The following INVS variants were observed in gnomAD, a reference collection of about 807,000 sequenced individuals.
The protein encoded by INVS is inversion of embryo turning homolog.
In INVS, 86 loss-of-function variants were observed where a neutral mutation model predicts 108.8. The observed-to-expected ratio is 0.79, with a 90% confidence interval of 0.66 to 0.95. The LOEUF is 0.95. Among genes scored for constraint, INVS ranks in the 40% least tolerant of loss-of-function variants. INVS has a pLI of 0.00. For missense variants in INVS, 1,169 were observed against 1,297.4 expected (o/e 0.90, Z 1.52); for synonymous variants, 455 against 473.5 (o/e 0.96, Z 0.51).
At chr9:100,141,596 A>AT (rs549263346) in intron 3 of INVS, among the ~76,000 whole-genome samples, 54 of 152,314 alleles carry the variant, frequency 3.5e-4, no homozygotes, top group Admixed American at 2.0e-3. Context: ...CCATCCAGTG[A>AT]AAGCGTCTAC....
At position 100,127,505 on chromosome 9, in the gene INVS, T is replaced by A. The variant is rs184858708; in HGVS notation, c.273+956T>A. Among the ~76,000 whole-genome samples, 425 of 152,302 alleles carry A rather than the reference T, an allele frequency of 2.8e-3. 1 individual carries two copies. The highest frequency in any genetic ancestry group is 6.8e-3 in the Middle Eastern group (2 of 294). On this transcript the variant is annotated intron_variant, in intron 3 of 16. Coordinates refer to ENST00000262457, the MANE Select transcript of INVS (RefSeq NM_014425.5). ...CATAAAATAGATTTCCAGTGCCTGG[T>A]ATTTTTCTTTTTGTTATTTTAGATT...
chr9:100,298,198 A>G (rs1195659408), intron 16 of INVS, 188 bp downstream of exon 16: 6 of 1,503,600 alleles, frequency 4.0e-6, no homozygotes, highest in Non-Finnish European at 5.3e-6. Context: ...TTCACAACTA[A>G]AAGCTATTAT....
At chr9:100,103,682 G>C (rs1385628607) in intron 1 of INVS, among the ~76,000 whole-genome samples, 1 of 144,646 alleles carries the variant, frequency 6.9e-6, no homozygotes, top group Non-Finnish European at 1.5e-5. Context: ...AAGGAGAGGC[G>C]AGGGGAGGGG....
At chr9:100,163,391 A>T (rs1829256676) in intron 3 of INVS, among the ~76,000 whole-genome samples, 1 of 152,110 alleles carries the variant, frequency 6.6e-6, no homozygotes, top group Non-Finnish European at 1.5e-5. Context: ...AATGATCTGA[A>T]AATTGAAAGA....
chr9:100,162,160 C>A (rs1287639948), intron 3 of INVS, among the ~76,000 whole-genome samples: 1 of 152,164 alleles, frequency 6.6e-6, no homozygotes, highest in Non-Finnish European at 1.5e-5. Flanking sequence ...GCAGTCTATG[C>A]TCTAACTGAT....
At chr9:100,162,380 A>G (rs1051496049) in intron 3 of INVS, among the ~76,000 whole-genome samples, 2 of 152,196 alleles carry the variant, frequency 1.3e-5, no homozygotes, top group African/African-American at 2.4e-5. Context: ...TGGCTCAATG[A>G]TATTAGCAAG....
chr9:100,219,195 A>G (rs1390436789), intron 3 of INVS, among the ~76,000 whole-genome samples: 2 of 152,188 alleles, frequency 1.3e-5, no homozygotes, highest in African/African-American at 4.8e-5. Flanking sequence ...AGTAAGAAAA[A>G]AAAACAAATA....
At chr9:100,225,459 G>A (rs7853561) in intron 3 of INVS, among the ~76,000 whole-genome samples, 26,941 of 152,026 alleles carry the variant, frequency 0.18, 3,628 homozygotes, top group African/African-American at 0.38. Flanking sequence ...TGAACAAAAC[G>A]TTTAACTACT....
chr9:100,224,044 AC>A (rs1177990753), intron 3 of INVS, among the ~76,000 whole-genome samples: 3 of 152,308 alleles, frequency 2.0e-5, no homozygotes, highest in East Asian at 1.9e-4. Context: ...AGCAAAAAAA[AC>A]AAAACAAAAA....
intron 1 of INVS, among the ~76,000 whole-genome samples, chr9:100,101,033 A>ATTATATATGTGTATATATAAT (rs1249064830): frequency 2.8e-5 from 3 of 106,598 alleles, no homozygotes; most frequent in East Asian, 2.2e-4. Context: ...TATTATATAT[A>ATTATATATGTGTATATATAAT]TTATATATGT....
intron 4 of INVS, among the ~76,000 whole-genome samples, chr9:100,227,423 G>A (rs989231142): frequency 2.0e-5 from 3 of 152,196 alleles, no homozygotes; most frequent in Admixed American, 6.5e-5. Context: ...TGCTACTCAC[G>A]AGGGCTAATA....
At chr9:100,289,079 TTTTA>T (rs999721458) in intron 13 of INVS, among the ~76,000 whole-genome samples, 1 of 152,236 alleles carries the variant, frequency 6.6e-6, no homozygotes, top group African/African-American at 2.4e-5. Flanking sequence ...TTTTCCTTCA[TTTTA>T]TTTGTTTTCT....
intron 2 of INVS, among the ~76,000 whole-genome samples, chr9:100,116,189 C>T (rs758269646): frequency 1.7e-4 from 25 of 151,380 alleles, no homozygotes; most frequent in Non-Finnish European, 2.7e-4. Context: ...CTGCAACCTC[C>T]GCCTCCCGGG....
At chr9:100,124,177 AGTGTGTGTGTGTGTGTGTGTGTGTGT>A (rs3052021) in intron 2 of INVS, among the ~76,000 whole-genome samples, 2 of 144,114 alleles carry the variant, frequency 1.4e-5, no homozygotes, top group Non-Finnish European at 3.0e-5. Flanking sequence ...TTTGTTTCTG[AGTGTGTGTGTGTGTGTGTGTGTGTGT>A]GTGTGTGTGT....
At chr9:100,295,515 C>T (rs1346070398) in intron 14 of INVS, among the ~76,000 whole-genome samples, 2 of 152,022 alleles carry the variant, frequency 1.3e-5, no homozygotes, top group East Asian at 3.9e-4. Context: ...TGATAGCAAA[C>T]CTAAGCAGTG....
intron 3 of INVS, among the ~76,000 whole-genome samples, chr9:100,197,530 T>C (rs565559218): frequency 1.3e-4 from 20 of 152,322 alleles, no homozygotes; most frequent in African/African-American, 4.6e-4. Flanking sequence ...TCCCAGCATA[T>C]GGATGAATTT....
intron 3 of INVS, among the ~76,000 whole-genome samples, chr9:100,217,035 G>A (rs1470751014): frequency 2.0e-5 from 3 of 152,192 alleles, no homozygotes; most frequent in Non-Finnish European, 4.4e-5. Context: ...CCAGCTGGGT[G>A]CAGTGGCTCA....
chr9:100,243,280 C>T (rs1357401247), intron 7 of INVS, among the ~76,000 whole-genome samples: 1 of 152,126 alleles, frequency 6.6e-6, no homozygotes, highest in Non-Finnish European at 1.5e-5. Context: ...TATTACCTTA[C>T]ACAAGTTTCT....
chr9:100,165,258 C>T (rs1168680593), intron 3 of INVS, among the ~76,000 whole-genome samples: 2 of 151,934 alleles, frequency 1.3e-5, no homozygotes, highest in African/African-American at 4.8e-5. Flanking sequence ...AATTACTGTT[C>T]AATTTTTGGC....
Sources: allele counts gnomAD v4.1 joint callset (sites outside exome capture counted in the v4.1 genomes callset), GRCh38; gene constraint gnomAD v4.1.1; transcripts MANE v1.5; gene names NCBI Gene and HGNC (gene_info 2026-07-23, HGNC 2026-07-21).